MAGI2: variants seen among roughly 807,000 people sequenced by gnomAD.
MAGI2 encodes membrane associated guanylate kinase, WW and PDZ domain containing 2.
Under a neutral mutation model 133.3 loss-of-function variants are expected in MAGI2, and 35 were observed. The ratio of observed to expected loss-of-function variants is 0.26; its 90% CI spans 0.20 to 0.35. The LOEUF (loss-of-function observed/expected upper bound fraction) is 0.35. MAGI2 is among the 10% of genes least tolerant of loss of function. MAGI2 has a pLI of 1.00. For missense variants in MAGI2, 1,636 were observed against 1,863.4 expected (o/e 0.88, Z 2.25); for synonymous variants, 729 against 710.6 (o/e 1.03, Z -0.41).
At chr7:78,514,831 G>A (rs1396544188) in intron 4 of MAGI2, among the ~76,000 whole-genome samples, 1 of 152,180 alleles carries the variant, frequency 6.6e-6, no homozygotes, top group African/African-American at 2.4e-5. Flanking sequence ...GATCATTGCC[G>A]AGGACACTTG....
chr7:78,971,757 T>A (rs1803805644), intron 2 of MAGI2, among the ~76,000 whole-genome samples: 1 of 151,936 alleles, frequency 6.6e-6, no homozygotes, highest in South Asian at 2.1e-4. Flanking sequence ...CTGTGTGACT[T>A]TGGGGACATG....
At chr7:78,129,877 G>A (rs6466042) in intron 18 of MAGI2, among the ~76,000 whole-genome samples, 128,047 of 149,424 alleles carry the variant, frequency 0.86, 55,239 homozygotes, top group African/African-American at 0.91. Flanking sequence ...AGAGGTTGCG[G>A]TGAGCCGAGA....
rs200781303 is a variant in MAGI2 at position 78,176,908 on chromosome 7, G to GACACACACACACACACAC, written c.2403+1085_2403+1102dup. On this transcript the variant is annotated intron_variant, in intron 14 of 21. Coordinates refer to ENST00000354212, the MANE Select transcript of MAGI2 (RefSeq NM_012301.4). ...ATAGTATATTTAAAAACCATATATAGACACACACACACACACACACACACA... is the reference window on the plus strand; with the variant it reads ...ATAGTATATTTAAAAACCATATATAGACACACACACACACACACACACACACACACACACACACACACA... 6.9e-3 allele frequency among the ~76,000 whole-genome samples: 900 copies of GACACACACACACACACAC among 130,432 alleles called. 12 individuals are homozygous for GACACACACACACACACAC. The highest frequency in any genetic ancestry group is 9.2e-3 in the Non-Finnish European group (568 of 61,974). 85.6% of individuals were successfully genotyped at this position (130,432 alleles called of 152,430 possible).
intron 3 of MAGI2, among the ~76,000 whole-genome samples, chr7:78,561,421 C>A (rs1356005913): frequency 6.6e-6 from 1 of 152,106 alleles, no homozygotes; most frequent in Non-Finnish European, 1.5e-5. Flanking sequence ...TACAATTTAG[C>A]CTCCAAAGTT....
At chr7:78,681,233 C>A (rs1032719198) in intron 2 of MAGI2, among the ~76,000 whole-genome samples, 54 of 145,606 alleles carry the variant, frequency 3.7e-4, no homozygotes, top group Non-Finnish European at 7.0e-4. Context: ...GGTCAATAAC[C>A]CCGAGATGTA....
intron 2 of MAGI2, among the ~76,000 whole-genome samples, chr7:78,944,516 T>G (rs1801248187): frequency 6.6e-6 from 1 of 152,042 alleles, no homozygotes; most frequent in African/African-American, 2.4e-5. Context: ...TTCCCCTCCA[T>G]AAAATACCCA....
chr7:78,345,214 T>G (rs931235976), intron 8 of MAGI2, among the ~76,000 whole-genome samples: 2 of 152,212 alleles, frequency 1.3e-5, no homozygotes, highest in African/African-American at 4.8e-5. Context: ...TTTATCAAAT[T>G]AATGTTTATA....
intron 2 of MAGI2, among the ~76,000 whole-genome samples, chr7:78,706,331 C>A (rs903899423): frequency 1.3e-5 from 2 of 151,970 alleles, no homozygotes; most frequent in African/African-American, 4.8e-5. Context: ...TCCTCATTTT[C>A]TCTTGCCACC....
rs73136671 is a variant in MAGI2, at chr7:78,357,353, A to T, written c.1104-11310T>A. 8.9e-3 allele frequency among the ~76,000 whole-genome samples: 1,350 copies of T among 152,286 alleles called. 8 individuals are homozygous for T. Among genetic ancestry groups the T allele is most frequent in the Non-Finnish European group, 0.015 (1,017 of 68,014 alleles). On this transcript the variant is annotated intron_variant, in intron 7 of 21. Transcript: ENST00000354212. ...AAGTGCTTAATAATGGTAGCTATTA[A>T]TATTTTTTTCTCTGGGTTGATTAAT...
chr7:78,958,068 AG>A (rs1243270245), intron 2 of MAGI2, among the ~76,000 whole-genome samples: 13 of 152,158 alleles, frequency 8.5e-5, no homozygotes, highest in Admixed American at 3.9e-4. Flanking sequence ...TTTACCTGGC[AG>A]GGGAATAGGA....
At chr7:78,586,304 T>C (rs1803402148) in intron 3 of MAGI2, among the ~76,000 whole-genome samples, 1 of 152,122 alleles carries the variant, frequency 6.6e-6, no homozygotes, top group Admixed American at 6.6e-5. Context: ...CTGTGATAAC[T>C]AGAAAAGTAG....
chr7:78,198,554 C>G (rs547932017), intron 11 of MAGI2, among the ~76,000 whole-genome samples: 1 of 151,804 alleles, frequency 6.6e-6, no homozygotes, highest in Admixed American at 6.6e-5. Context: ...CGCTCAGTCT[C>G]CCGAGTAGCT....
chr7:78,198,588 T>C (rs748334537), intron 11 of MAGI2, among the ~76,000 whole-genome samples: 3 of 152,172 alleles, frequency 2.0e-5, no homozygotes, highest in Non-Finnish European at 4.4e-5. Flanking sequence ...TATGCCACCA[T>C]GCCCAGCTAG....
intron 1 of MAGI2, among the ~76,000 whole-genome samples, chr7:79,190,543 T>C (rs1364688956): frequency 6.6e-6 from 1 of 151,910 alleles, no homozygotes; most frequent in Non-Finnish European, 1.5e-5. Flanking sequence ...AATATGGGTT[T>C]TGTGAATATT....
In MAGI2 at chr7:78,195,029, T is replaced by G; in HGVS notation, c.2114A>C (p.Gln705Pro). 1 of 1,612,974 alleles carries G rather than the reference T, an allele frequency of 6.2e-7. No individual in the cohort carries two copies. Among genetic ancestry groups the G allele is most frequent in the South Asian group, 1.1e-5 (1 of 90,838 alleles). Residue 705 changes from glutamine to proline, a missense_variant, in exon 12 of 22, where the codon CAA becomes CCA. Gln to Pro is a moderately conservative substitution (Grantham distance 76). Coordinates refer to ENST00000354212, the MANE Select transcript of MAGI2 (RefSeq NM_012301.4). ...TATGGCCGGAGCAGATAAACTCGTT[T>G]GAGGACTGCCTTGATTCTCCCATCG... ...MDRWENQGSP[Q>P]TSLSAPAIPQ...
At chr7:78,178,581 AGTGTGTGTGTGT>A (rs3840593) in intron 13 of MAGI2, among the ~76,000 whole-genome samples, 2 of 149,478 alleles carry the variant, frequency 1.3e-5, no homozygotes, top group Non-Finnish European at 3.0e-5. Context: ...CCAGTTTAGG[AGTGTGTGTGTGT>A]GTGTGTGTGT....
chr7:79,182,406 C>T (rs1427074855), intron 1 of MAGI2, among the ~76,000 whole-genome samples: 1 of 151,910 alleles, frequency 6.6e-6, no homozygotes, highest in East Asian at 1.9e-4. Context: ...ACCATCAGAT[C>T]TTGCAAGACT....
intron 1 of MAGI2, among the ~76,000 whole-genome samples, chr7:79,408,373 G>A (rs928708010): frequency 1.1e-4 from 16 of 151,760 alleles, no homozygotes; most frequent in African/African-American, 1.7e-4. Flanking sequence ...AACTAATATT[G>A]AACAGAAATC....
chr7:78,765,108 A>T (rs1824878446), intron 2 of MAGI2, among the ~76,000 whole-genome samples: 1 of 152,138 alleles, frequency 6.6e-6, no homozygotes, highest in Non-Finnish European at 1.5e-5. Context: ...TCTTTTTTGA[A>T]ATATTGTAAT....
Sources: gnomAD v4.1 joint callset for allele counts (sites outside exome capture counted in the v4.1 genomes callset) on GRCh38, gnomAD v4.1.1 for gene constraint, MANE v1.5 for transcripts, NCBI Gene and HGNC (gene_info 2026-07-23, HGNC 2026-07-21) for gene names.